MERTK: variants seen among roughly 807,000 people sequenced by gnomAD.
The protein encoded by MERTK is tyrosine-protein kinase Mer.
In MERTK, 69 loss-of-function variants were observed where a neutral mutation model predicts 99.3. That is an observed-to-expected ratio of 0.70 (90% CI 0.57 to 0.85). The LOEUF (loss-of-function observed/expected upper bound fraction) is 0.85. Among genes scored for constraint, MERTK ranks in the 40% least tolerant of loss-of-function variants. The pLI, the probability that MERTK is intolerant of heterozygous loss-of-function variation, is 0.00. For synonymous variants in MERTK, 426 were observed against 467.6 expected, an observed-to-expected ratio of 0.91 and a Z score of 1.15; for missense variants, 1,125 against 1,249.4, an observed-to-expected ratio of 0.90 and a Z score of 1.50.
intron 2 of MERTK, among the ~76,000 whole-genome samples, chr2:111,934,524 G>A (rs976737921): frequency 1.3e-5 from 2 of 152,100 alleles, no homozygotes; most frequent in African/African-American, 4.8e-5. Flanking sequence ...GTCTTCTTTT[G>A]AGAAGTGTCT....
chr2:112,005,190 C>T (rs916732339), intron 13 of MERTK, among the ~76,000 whole-genome samples: 1 of 152,074 alleles, frequency 6.6e-6, no homozygotes, highest in African/African-American at 2.4e-5. Flanking sequence ...GCCTCAGTCT[C>T]CTGAGTAGCT....
intron 7 of MERTK, among the ~76,000 whole-genome samples, chr2:111,978,446 GTTTTTTGTTTGT>G (rs1240365915): frequency 3.4e-5 from 5 of 146,630 alleles, no homozygotes; most frequent in South Asian, 2.1e-4. Context: ...CACCCAGCAT[GTTTTTTGTTTGT>G]TTGTTTGTTT....
At position 111,947,581 on chromosome 2, in the gene MERTK, G is replaced by A. The variant is rs373747941; in HGVS notation, c.757+14G>A. 4.4e-5 allele frequency: 71 copies of A among 1,613,408 alleles called. No homozygotes were observed. Among genetic ancestry groups the A allele is most frequent in the Non-Finnish European group, 5.8e-5 (68 of 1,179,868 alleles). Reference sequence around the variant, plus strand: ...TAACTGTTCCAGGTAAGTCCGAGCTGTGGGCTTATTGATTTATTCTCTAAT... The same window carrying A: ...TAACTGTTCCAGGTAAGTCCGAGCTATGGGCTTATTGATTTATTCTCTAAT... On this transcript the variant is annotated intron_variant, in intron 4 of 18. Coordinates refer to ENST00000295408, the MANE Select transcript of MERTK (RefSeq NM_006343.3).
intron 1 of MERTK, among the ~76,000 whole-genome samples, chr2:111,917,758 G>T (rs540617864): frequency 6.6e-4 from 100 of 151,982 alleles, no homozygotes; most frequent in Middle Eastern, 3.4e-3. Flanking sequence ...GGTAGCGTGC[G>T]CCTGTAGTCC....
intron 2 of MERTK, among the ~76,000 whole-genome samples, chr2:111,942,261 C>T (rs1684878270): frequency 6.6e-6 from 1 of 152,212 alleles, no homozygotes; most frequent in Non-Finnish European, 1.5e-5. Context: ...GAAAATGATG[C>T]CTCTTCTAAA....
chr2:111,898,989 C>A (rs779819528), intron 1 of MERTK, among the ~76,000 whole-genome samples, 193 bp downstream of exon 1: 4 of 152,198 alleles, frequency 2.6e-5, no homozygotes, highest in African/African-American at 9.6e-5. Context: ...GCGCCTCAAG[C>A]GTCCCGAGGG....
chr2:111,999,894 A>T (rs115649235), intron 10 of MERTK, among the ~76,000 whole-genome samples: 7 of 152,158 alleles, frequency 4.6e-5, no homozygotes, highest in Admixed American at 2.0e-4. Context: ...TGGAGGACCA[A>T]TTTTTTGTAA....
rs1184269274 is a variant in MERTK, at chr2:111,939,654, A to ATTTTTT, written c.483-5283_483-5278dup. Among the ~76,000 whole-genome samples, 23 of 88,264 alleles carry ATTTTTT rather than the reference A, an allele frequency of 2.6e-4. 1 individual carries two copies. Among genetic ancestry groups the ATTTTTT allele is most frequent in the African/African-American group, 3.7e-4 (8 of 21,834 alleles). The allele number at this position is 88,264 out of a possible 152,430, so 57.9% of individuals were successfully genotyped here. A position where few individuals can be genotyped will look rare whatever the true frequency, so the allele number is the denominator to read the frequency against. ...TGCCACCATGCCCAGCTAATTTTTA[A>ATTTTTT]TTTTTTTTTTTTTTTTTTTTTTTTT... On this transcript the variant is annotated intron_variant, in intron 2 of 18. Transcript: ENST00000295408.
intron 16 of MERTK, 50 bp downstream of exon 16, chr2:112,019,572 T>G (rs550299252): frequency 2.1e-6 from 3 of 1,395,462 alleles, no homozygotes; most frequent in East Asian, 4.6e-5. Context: ...TGGTGTTTGG[T>G]CTTTGCAGGG....
rs952544570 is a variant in MERTK, at chr2:111,969,084, T to C, written c.960+832T>C. Among the ~76,000 whole-genome samples, 3 of 152,354 alleles carry C rather than the reference T, an allele frequency of 2.0e-5. 1 individual carries two copies. The highest frequency in any genetic ancestry group is 1.5e-5 in the Non-Finnish European group (1 of 68,040). ...GCCTTGAATGGGTATGAAACGGTGC[T>C]ATTAGCCATCCTAAAATGATAACTT... is the stretch of plus-strand genomic sequence containing the variant. On this transcript the variant is annotated intron_variant, in intron 6 of 18. Transcript: ENST00000295408.
intron 4 of MERTK, among the ~76,000 whole-genome samples, chr2:111,961,618 C>T (rs1685253003): frequency 6.6e-6 from 1 of 152,204 alleles, no homozygotes; most frequent in East Asian, 1.9e-4. Context: ...AGGTTACCAC[C>T]GAATCATAGG....
At chr2:111,900,823 T>C (rs1312424869) in intron 1 of MERTK, among the ~76,000 whole-genome samples, 2 of 152,224 alleles carry the variant, frequency 1.3e-5, no homozygotes, top group Non-Finnish European at 1.5e-5. Flanking sequence ...AGGAGTGCTG[T>C]ATGAAGAAAT....
At chr2:112,003,041 A>G (rs757949770) in intron 11 of MERTK, 51 bp from the exon 12 acceptor site, 6 of 830,424 alleles carry the variant, frequency 7.2e-6, no homozygotes, top group East Asian at 2.4e-5. Flanking sequence ...TTATCAAGTG[A>G]AAGAAAACAC....
Position 111,929,249 on chromosome 2 carries a change from T to A in MERTK, c.191T>A (p.Met64Lys). The A allele has an allele frequency of 6.2e-7, 1 of 1,614,236 alleles. No individual in the cohort carries two copies. The highest frequency in any genetic ancestry group is 1.7e-5 in the Admixed American group (1 of 60,030). The change falls in exon 2 of 19, where the codon ATG becomes AAG. Residue 64 changes from methionine (M) to lysine (K), a missense_variant. Met to Lys is a moderately conservative substitution (Grantham distance 95). Transcript: ENST00000295408. ...PHASGYQPAL[M>K]FSPTQPGRPH... is the part of the protein sequence containing the mutation. ...GCCAGTGGGTACCAGCCTGCCTTGATGTTTTCACCAACCCAGCCTGGAAGA... is the reference window on the plus strand; with the variant it reads ...GCCAGTGGGTACCAGCCTGCCTTGAAGTTTTCACCAACCCAGCCTGGAAGA...
chr2:111,976,560 G>GTT (rs1169800257), intron 7 of MERTK, among the ~76,000 whole-genome samples: 1 of 145,606 alleles, frequency 6.9e-6, no homozygotes, highest in Non-Finnish European at 1.5e-5. Context: ...GTGTGTGTGT[G>GTT]TGTGTGTGTG....
At chr2:111,958,128 A>G (rs1478861577) in intron 4 of MERTK, among the ~76,000 whole-genome samples, 1 of 152,140 alleles carries the variant, frequency 6.6e-6, no homozygotes, top group Non-Finnish European at 1.5e-5. Flanking sequence ...CCTACCCACT[A>G]GAAGAGGAGT....
At chr2:112,004,196 T>C (rs1676933567) in intron 13 of MERTK, among the ~76,000 whole-genome samples, 1 of 152,230 alleles carries the variant, frequency 6.6e-6, no homozygotes, top group South Asian at 2.1e-4. Flanking sequence ...TTATTTTTAC[T>C]AACTCCTGCA....
intron 10 of MERTK, among the ~76,000 whole-genome samples, chr2:111,999,818 T>A (rs773091511): frequency 7.2e-5 from 11 of 152,262 alleles, no homozygotes; most frequent in Non-Finnish European, 1.6e-4. Context: ...CAAAGGATGG[T>A]GGAATTATCA....
At chr2:111,983,198 C>A (rs1676407575) in intron 8 of MERTK, among the ~76,000 whole-genome samples, 1 of 152,174 alleles carries the variant, frequency 6.6e-6, no homozygotes, top group Non-Finnish European at 1.5e-5. Flanking sequence ...TTGGGACTTT[C>A]CTCACTTACT....
Sources: allele counts gnomAD v4.1 joint callset (sites outside exome capture counted in the v4.1 genomes callset), GRCh38; gene constraint gnomAD v4.1.1; transcripts MANE v1.5; gene names NCBI Gene and HGNC (gene_info 2026-07-23, HGNC 2026-07-21).